SMO: variants seen among roughly 807,000 people sequenced by gnomAD.
SMO encodes smoothened, frizzled class receptor, also known as protein smoothened.
In SMO, 40 loss-of-function variants were observed where a neutral mutation model predicts 81.6. The observed-to-expected ratio is 0.49, with a 90% confidence interval of 0.38 to 0.64. SMO has a LOEUF of 0.64. SMO is among the 30% of genes least tolerant of loss of function. SMO has a pLI of 0.00. For missense variants in SMO, 916 were observed against 1,061.1 expected (o/e 0.86, Z 1.90); for synonymous variants, 434 against 432.1 (o/e 1.00, Z -0.05).
intron 1 of SMO, among the ~76,000 whole-genome samples, chr7:129,199,457 C>T (rs1234332420): frequency 6.6e-6 from 1 of 152,166 alleles, no homozygotes; most frequent in Non-Finnish European, 1.5e-5. Flanking sequence ...GTTGGGATTA[C>T]AGGCGTGAGC....
At position 129,205,379 on chromosome 7, in the gene SMO, G is replaced by A. The variant is rs756566654; in HGVS notation, c.714G>A (p.Gly238=). Residue 238 remains glycine, a synonymous_variant, in exon 3 of 12, where the codon GGG becomes GGA. Transcript: ENST00000249373. ...QDMHSYIAAF[G]AVTGLCTLFT... is the part of the protein sequence containing the mutation. ...TGCACAGCTACATCGCGGCCTTCGG[G>A]GCCGTCACGGGCCTCTGCACGCTCT... 2 of 1,611,652 alleles carry A rather than the reference G, an allele frequency of 1.2e-6. No homozygotes were observed. The highest frequency in any genetic ancestry group is 1.3e-5 in the African/African-American group (1 of 74,874).
At chr7:129,209,480 G>A in intron 8 of SMO, 83 bp downstream of exon 8, 1 of 863,170 alleles carries the variant, frequency 1.2e-6, no homozygotes, top group Non-Finnish European at 1.9e-6. Context: ...CCGGGCAGCA[G>A]GGATTTGCCA....
intron 8 of SMO, 73 bp downstream of exon 8, chr7:129,209,470 C>A: frequency 1.0e-6 from 1 of 957,200 alleles, no homozygotes; most frequent in Middle Eastern, 2.2e-4. Flanking sequence ...CCTCCACCCA[C>A]CGGGCAGCAG....
intron 1 of SMO, among the ~76,000 whole-genome samples, chr7:129,193,486 C>T (rs575883685): frequency 1.2e-3 from 182 of 151,812 alleles, no homozygotes; most frequent in African/African-American, 4.0e-3. Context: ...TGGCCGGGCG[C>T]GGTGGCTCAC....
chr7:129,199,756 A>G (rs928677384), intron 1 of SMO, among the ~76,000 whole-genome samples: 9 of 152,170 alleles, frequency 5.9e-5, no homozygotes, highest in Admixed American at 5.2e-4. Context: ...AAAAATAAAA[A>G]AAACATAAAG....
At chr7:129,204,883 G>T (rs552128243) in intron 2 of SMO, among the ~76,000 whole-genome samples, 5 of 148,858 alleles carry the variant, frequency 3.4e-5, no homozygotes, top group African/African-American at 5.1e-5. Context: ...GGTGGTGGGC[G>T]CCTGTAGTCC....
chr7:129,204,480 A>G (rs1793725876), intron 2 of SMO, among the ~76,000 whole-genome samples: 1 of 151,830 alleles, frequency 6.6e-6, no homozygotes. Flanking sequence ...CTCCGTCTCT[A>G]CTAAAAATAC....
In SMO at chr7:129,206,349, G is replaced by A. The variant is rs2150650338; in HGVS notation, c.1120G>A (p.Ala374Thr). The A allele has an allele frequency of 6.2e-7, 1 of 1,614,148 alleles. No individual in the cohort carries two copies. Among genetic ancestry groups the A allele is most frequent in the South Asian group, 1.1e-5 (1 of 91,082 alleles). The part of the protein sequence containing the change: ...TWSLPFVLTV[A>T]ILAVAQVDGD... ...GTCACTCCCCTTTGTCCTCACTGTG[G>A]CAATCCTTGCTGTGGCGCAGGTATA... The change falls in exon 5 of 12, where the codon GCA becomes ACA. Residue 374 changes from alanine (A) to threonine (T), a missense_variant. This residue lies in a region of SMO where 436 missense variants were observed against 570.9 expected (regional missense o/e 0.76). Coordinates refer to ENST00000249373, the MANE Select transcript of SMO (RefSeq NM_005631.5). This position sits in a 1 kb window ranked among gnomAD's most constrained non-coding sequence, Gnocchi z 4.4.
intron 1 of SMO, among the ~76,000 whole-genome samples, chr7:129,199,611 C>T (rs1275088194): frequency 3.3e-5 from 5 of 152,114 alleles, no homozygotes; most frequent in Non-Finnish European, 7.3e-5. Context: ...TGGTGTGAGC[C>T]TGTAGTCTTT....
At chr7:129,196,006 C>T (rs1793571608) in intron 1 of SMO, among the ~76,000 whole-genome samples, 2 of 148,960 alleles carry the variant, frequency 1.3e-5, no homozygotes, top group Admixed American at 6.8e-5. Flanking sequence ...GAGGCTGAGG[C>T]AGGAAAATGG....
rs57674265 is a variant in SMO, at chr7:129,196,327, T to TTGTGTGTGTG, written c.331+6865_331+6874dup. Among the ~76,000 whole-genome samples the TTGTGTGTGTG allele has an allele frequency of 7.4e-3, 1,079 of 145,106 alleles. 18 individuals carry two copies. The highest frequency in any genetic ancestry group is 0.026 in the African/African-American group (1,016 of 39,196). ...AGTAGAGAGTCTGAGCTATTCTTGA[T>TTGTGTGTGTG]TGTGTGTGTGTGTGTGTGTGTGTGT... On this transcript the variant is annotated intron_variant, in intron 1 of 11. Coordinates refer to ENST00000249373, the MANE Select transcript of SMO (RefSeq NM_005631.5).
intron 3 of SMO, 52 bp from the exon 4 acceptor site, chr7:129,205,558 G>A (rs952101307): frequency 6.4e-7 from 1 of 1,568,418 alleles, no homozygotes; most frequent in Non-Finnish European, 8.8e-7. Context: ...AAGGGTGTCT[G>A]TGTCAGCAGA....
intron 1 of SMO, among the ~76,000 whole-genome samples, chr7:129,201,758 G>A (rs373655467): frequency 3.3e-5 from 5 of 151,882 alleles, no homozygotes; most frequent in Non-Finnish European, 7.4e-5. Flanking sequence ...TCAGCCCACC[G>A]CAACCTCCAC....
chr7:129,202,381 G>T (rs1418210051), intron 1 of SMO, among the ~76,000 whole-genome samples: 1 of 152,102 alleles, frequency 6.6e-6, no homozygotes, highest in African/African-American at 2.4e-5. Flanking sequence ...GAAAAGAGTG[G>T]TTACCTGTCT....
intron 1 of SMO, among the ~76,000 whole-genome samples, chr7:129,200,612 A>G (rs1021729339): frequency 9.9e-5 from 15 of 152,194 alleles, no homozygotes; most frequent in African/African-American, 3.6e-4. Context: ...GGGGAGTTTT[A>G]TTTTTAAGGT....
intron 2 of SMO, among the ~76,000 whole-genome samples, chr7:129,204,370 GTGGCTCA>G (rs1390498635): frequency 4.7e-5 from 5 of 106,170 alleles, no homozygotes; most frequent in African/African-American, 1.7e-4. Flanking sequence ...GCCAGACACA[GTGGCTCA>G]TGCCTGTTAT....
At position 129,188,652 on chromosome 7, in the gene SMO, G is replaced by A. The variant is rs2150637182; in HGVS notation, c.-500G>A. Among the ~76,000 whole-genome samples the A allele has an allele frequency of 6.6e-6, 1 of 152,252 alleles. No individual in the cohort carries two copies. Among genetic ancestry groups the A allele is most frequent in the East Asian group, 1.9e-4 (1 of 5,150 alleles). ...CCGTGCATTCCAGAGAGCCCAGCGAGCTAGAGCAACAAAGGAGCCGGGTCG... is the reference window on the plus strand; with the variant it reads ...CCGTGCATTCCAGAGAGCCCAGCGAACTAGAGCAACAAAGGAGCCGGGTCG... On this transcript the variant is annotated 5_prime_UTR_variant, in exon 1 of 12. Coordinates refer to ENST00000249373, the MANE Select transcript of SMO (RefSeq NM_005631.5). The surrounding 1 kb of genome is among the most constrained non-coding windows in gnomAD (Gnocchi z 4.9).
In SMO at chr7:129,205,348, A is replaced by G. The variant is rs759482801; in HGVS notation, c.683A>G (p.Gln228Arg). The change falls in exon 3 of 12, where the codon CAG (glutamine) becomes CGG (arginine). Residue 228 changes from glutamine to arginine, a missense_variant. Coordinates refer to ENST00000249373, the MANE Select transcript of SMO (RefSeq NM_005631.5). ...CCGCTCTTCACAGAGGCTGAGCACC[A>G]GGACATGCACAGCTACATCGCGGCC... is the stretch of plus-strand genomic sequence containing the variant. ...QNPLFTEAEHQDMHSYIAAFG... is the reference protein window; with the variant it reads ...QNPLFTEAEHRDMHSYIAAFG... The G allele has an allele frequency of 6.2e-7, 1 of 1,614,014 alleles. No homozygotes were observed. The highest frequency in any genetic ancestry group is 8.5e-7 in the Non-Finnish European group (1 of 1,179,926).
intron 1 of SMO, among the ~76,000 whole-genome samples, chr7:129,198,208 C>T (rs1442590624): frequency 1.3e-5 from 2 of 152,138 alleles, no homozygotes; most frequent in East Asian, 1.9e-4. Context: ...CACCTTGGGC[C>T]TCCCAAAATG....
Sources: allele counts gnomAD v4.1 joint callset (sites outside exome capture counted in the v4.1 genomes callset), GRCh38; gene constraint gnomAD v4.1.1; regional missense constraint gnomAD v4.1.1; non-coding constraint Gnocchi (gnomAD v3.1); transcripts MANE v1.5; gene names NCBI Gene and HGNC (gene_info 2026-07-23, HGNC 2026-07-21).